NUP62CL: variants seen among roughly 807,000 people sequenced by gnomAD.
NUP62CL encodes the protein nucleoporin-62 C-terminal-like protein.
Under a neutral mutation model 15.3 loss-of-function variants are expected in NUP62CL, and 13 were observed. The ratio of observed to expected loss-of-function variants is 0.85; its 90% confidence interval spans 0.55 to 1.35. The LOEUF (loss-of-function observed/expected upper bound fraction) is 1.35, where lower values mean the gene tolerates loss of function less well. NUP62CL is among the 40% of genes most tolerant of loss of function. The pLI, the probability that NUP62CL is intolerant of heterozygous loss-of-function variation, is 0.00. For synonymous variants in NUP62CL, 54 were observed against 49.2 expected (o/e 1.10, Z -0.41); for missense variants, 123 against 130.6 (o/e 0.94, Z 0.28).
At chrX:107,182,563 C>T (rs1042132441) in intron 2 of NUP62CL, among the ~76,000 whole-genome samples, 1 of 93,777 alleles carries the variant, frequency 1.1e-5, no homozygotes, top group Non-Finnish European at 2.0e-5. Flanking sequence ...AGTGACCTTA[C>T]ACTACAAGAT....
intron 8 of NUP62CL, among the ~76,000 whole-genome samples, chrX:107,136,256 T>C (rs1010265993): frequency 9.0e-6 from 1 of 111,233 alleles, no homozygotes; most frequent in African/African-American, 3.3e-5. Flanking sequence ...CAGATCCTAC[T>C]GCCATTAAAA....
chrX:107,163,323 G>A (rs1374337215), intron 4 of NUP62CL, among the ~76,000 whole-genome samples: 1 of 111,313 alleles, frequency 9.0e-6, no homozygotes, highest in Non-Finnish European at 1.9e-5. Context: ...GCATGTATCT[G>A]TAATACCTAG....
chrX:107,157,235 C>T (rs1364616195), intron 4 of NUP62CL, among the ~76,000 whole-genome samples: 5 of 106,769 alleles, frequency 4.7e-5, no homozygotes, highest in African/African-American at 1.7e-4. Flanking sequence ...CTTCCCCAAT[C>T]TAGCAAGGCA....
intron 4 of NUP62CL, among the ~76,000 whole-genome samples, chrX:107,161,196 A>C (rs1421341179): frequency 2.1e-4 from 21 of 99,452 alleles, no homozygotes; most frequent in Admixed American, 8.9e-4. Context: ...ACTGTAAACT[A>C]GTTCAACCAT....
chrX:107,201,448 A>C (rs985747598), intron 1 of NUP62CL, among the ~76,000 whole-genome samples: 1 of 111,534 alleles, frequency 9.0e-6, no homozygotes, highest in Admixed American at 9.6e-5. Context: ...GTGGAATCAT[A>C]ACAATATTTG....
At position 107,137,962 on chromosome X, in the gene NUP62CL, G is replaced by C. The variant is rs192405681; in HGVS notation, c.*42+9781C>G. The stretch of plus-strand genomic sequence containing the variant: ...ATAGTAATGAAAGCATTGGGGGAAA[G>C]ACACATAGACCCATAGTATAGAGAC... On this transcript the variant is annotated intron_variant, in intron 8 of 8. Coordinates refer to ENST00000372466, the MANE Select transcript of NUP62CL (RefSeq NM_017681.3). Among the ~76,000 whole-genome samples the C allele has an allele frequency of 2.7e-5, 3 of 111,529 alleles. No individual in the cohort carries two copies. The Admixed American group carries it at 2.8e-4, about 11-fold the overall frequency.
intron 4 of NUP62CL, among the ~76,000 whole-genome samples, chrX:107,157,641 A>G (rs1363989009): frequency 9.2e-6 from 1 of 108,259 alleles, no homozygotes; most frequent in Non-Finnish European, 1.9e-5. Context: ...CTAAACATGG[A>G]AAGGAACAAC....
chrX:107,164,584 TAAAAG>T (rs1926464771), intron 4 of NUP62CL, among the ~76,000 whole-genome samples: 1 of 111,547 alleles, frequency 9.0e-6, no homozygotes, highest in African/African-American at 3.3e-5. Context: ...ATAAAATTGA[TAAAAG>T]AAAGACACAA....
intron 4 of NUP62CL, among the ~76,000 whole-genome samples, chrX:107,157,864 G>A (rs1269368202): frequency 4.5e-5 from 5 of 110,815 alleles, no homozygotes; most frequent in African/African-American, 1.3e-4. Flanking sequence ...ACCCATCAGT[G>A]TGCTGTATTC....
intron 8 of NUP62CL, among the ~76,000 whole-genome samples, chrX:107,126,424 AC>A (rs1353575672): frequency 3.6e-5 from 4 of 112,350 alleles, no homozygotes; most frequent in Admixed American, 9.4e-5. Flanking sequence ...CCAGAAAAAA[AC>A]AATCTTGAAA....
chrX:107,195,828 C>A (rs1366693509), intron 1 of NUP62CL, among the ~76,000 whole-genome samples: 1 of 111,465 alleles, frequency 9.0e-6, no homozygotes, highest in Non-Finnish European at 1.9e-5. Context: ...CCTGAGGTTA[C>A]AAGTGCTATG....
At chrX:107,170,334 T>C (rs1417136163) in intron 3 of NUP62CL, among the ~76,000 whole-genome samples, 1 of 110,703 alleles carries the variant, frequency 9.0e-6, no homozygotes, top group Non-Finnish European at 1.9e-5. Flanking sequence ...TATATATGCA[T>C]GTACGAATTG....
intron 2 of NUP62CL, among the ~76,000 whole-genome samples, chrX:107,185,560 A>C (rs1242498831): frequency 9.0e-6 from 1 of 111,422 alleles, no homozygotes; most frequent in Non-Finnish European, 1.9e-5. Context: ...ACTGTATATG[A>C]TATCTAGAGT....
chrX:107,203,547 C>T (rs1470131220), intron 1 of NUP62CL, among the ~76,000 whole-genome samples: 1 of 111,109 alleles, frequency 9.0e-6, no homozygotes, highest in Admixed American at 9.6e-5. Flanking sequence ...CACCTGGCTA[C>T]ATCTCCCTTT....
intron 1 of NUP62CL, among the ~76,000 whole-genome samples, chrX:107,195,890 G>T (rs1224095766): frequency 1.8e-5 from 2 of 110,759 alleles, no homozygotes; most frequent in East Asian, 5.6e-4. Context: ...AATTATTTAT[G>T]TGTTATATGT....
intron 3 of NUP62CL, among the ~76,000 whole-genome samples, chrX:107,174,618 C>A (rs1050318854): frequency 1.8e-5 from 2 of 111,457 alleles, no homozygotes; most frequent in African/African-American, 3.3e-5. Flanking sequence ...CAATTAGAAC[C>A]CCAAAACTAC....
intron 4 of NUP62CL, among the ~76,000 whole-genome samples, chrX:107,162,652 C>G (rs1237694796): frequency 8.9e-6 from 1 of 112,024 alleles, no homozygotes; most frequent in African/African-American, 3.2e-5. Flanking sequence ...AAGATATTCT[C>G]ACACAAAGTC....
rs764183926 is a variant in NUP62CL at position 107,156,485 on chromosome X, C to G, written c.195-2239G>C. Among the ~76,000 whole-genome samples, 27 of 106,523 alleles carry G rather than the reference C, an allele frequency of 2.5e-4. No homozygotes were observed. The East Asian group carries it at 7.8e-3, about 31-fold the overall frequency. 92.5% of individuals were successfully genotyped at this position (106,523 alleles called of 115,157 possible). A position where few individuals can be genotyped will look rare whatever the true frequency, so the allele number is the denominator to read the frequency against. ...GGGTCCCTGACCCCTGATCCCCGAGCAGCCTAACTGGGAGGCACCCCCCAG... is the reference window on the plus strand; with the variant it reads ...GGGTCCCTGACCCCTGATCCCCGAGGAGCCTAACTGGGAGGCACCCCCCAG... On this transcript the variant is annotated intron_variant, in intron 4 of 8. Coordinates refer to ENST00000372466, the MANE Select transcript of NUP62CL (RefSeq NM_017681.3).
chrX:107,201,297 G>C (rs895359344), intron 1 of NUP62CL, among the ~76,000 whole-genome samples: 26 of 111,040 alleles, frequency 2.3e-4, no homozygotes, highest in African/African-American at 8.5e-4. Context: ...ACTATCTGTT[G>C]ACAAAACTTT....
Sources: allele counts gnomAD v4.1 joint callset (sites outside exome capture counted in the v4.1 genomes callset), GRCh38; gene constraint gnomAD v4.1.1; transcripts MANE v1.5; gene names NCBI Gene and HGNC (gene_info 2026-07-23, HGNC 2026-07-21).